MARK1: variants seen among roughly 807,000 people sequenced by gnomAD.
MARK1 encodes microtubule affinity regulating kinase 1, also known as serine/threonine-protein kinase MARK1.
In MARK1, 40 loss-of-function variants were observed where a neutral mutation model predicts 96.3. The observed-to-expected ratio is 0.42, with a 90% CI of 0.32 to 0.54. The LOEUF (loss-of-function observed/expected upper bound fraction) is 0.54. Ranked by LOEUF, MARK1 falls within the 20% of genes least tolerant of loss-of-function variation. MARK1 has a pLI of 0.16. For missense variants in MARK1, 719 were observed against 984.6 expected (o/e 0.73, Z 3.61); for synonymous variants, 317 against 341.2 (o/e 0.93, Z 0.78).
chr1:220,577,577 C>A (rs1222528245), intron 1 of MARK1, among the ~76,000 whole-genome samples: 5 of 152,320 alleles, frequency 3.3e-5, no homozygotes, highest in Non-Finnish European at 1.5e-5. Flanking sequence ...CCCAGAGTTT[C>A]ATATTCAGTA....
At chr1:220,562,319 A>C (rs978392733) in intron 1 of MARK1, among the ~76,000 whole-genome samples, 3 of 152,000 alleles carry the variant, frequency 2.0e-5, no homozygotes, top group African/African-American at 4.8e-5. Flanking sequence ...ACAAAAAAAA[A>C]TTTGCCTTAG....
Position 220,653,113 on chromosome 1 carries a change from A to G in MARK1, c.1749A>G (p.Arg583=). The change falls in exon 16 of 18, where the codon AGA becomes AGG. Residue 583 remains arginine, a synonymous_variant. Coordinates refer to ENST00000366917, the MANE Select transcript of MARK1 (RefSeq NM_018650.5). ...SEAYRPGTTQ[R]VPAASPSAHS... ...TTTGTCCCAGCAGTACAACCCAGAG[A>G]GTGCCTGCTGCTTCCCCATCTGCTC... 1 of 1,614,196 alleles carries G rather than the reference A, an allele frequency of 6.2e-7. No homozygotes were observed. Among genetic ancestry groups the G allele is most frequent in the Non-Finnish European group, 8.5e-7 (1 of 1,180,024 alleles).
Position 220,657,796 on chromosome 1 carries a change from A to C in MARK1, c.1995A>C (p.Pro665=). 1 of 1,577,450 alleles carries C rather than the reference A, an allele frequency of 6.3e-7. No homozygotes were observed. Among genetic ancestry groups the C allele is most frequent in the East Asian group, 2.3e-5 (1 of 42,812 alleles). The change falls in exon 17 of 18, where the codon CCA becomes CCC. Residue 665 remains proline, a synonymous_variant. Coordinates refer to ENST00000366917, the MANE Select transcript of MARK1 (RefSeq NM_018650.5). The stretch of plus-strand genomic sequence containing the variant: ...ACCTTCACTTTGTTTTGAGGGATCC[A>C]AGTGAAGGCGAAGCCAGTGGCAGAA... ...KITSKFVRRD[P]SEGEASGRTD...
intron 1 of MARK1, among the ~76,000 whole-genome samples, chr1:220,548,053 T>C (rs1572059044): frequency 6.6e-6 from 1 of 152,272 alleles, no homozygotes; most frequent in African/African-American, 2.4e-5. Context: ...TACAATACTT[T>C]AGCACAGTGC....
At chr1:220,649,722 A>G (rs1228189424) in intron 13 of MARK1, among the ~76,000 whole-genome samples, 3 of 152,152 alleles carry the variant, frequency 2.0e-5, no homozygotes, top group Non-Finnish European at 4.4e-5. Context: ...TTCAAAGTGA[A>G]TTCAAGCAAG....
At chr1:220,556,600 C>T (rs564937262) in intron 1 of MARK1, among the ~76,000 whole-genome samples, 8 of 150,720 alleles carry the variant, frequency 5.3e-5, no homozygotes, top group South Asian at 2.1e-4. Context: ...GGAAATAATG[C>T]GACTATCTGA....
chr1:220,657,702 A>G, intron 16 of MARK1, 88 bp from the exon 17 acceptor site: 1 of 934,322 alleles, frequency 1.1e-6, no homozygotes, highest in Non-Finnish European at 1.6e-6. Context: ...TTGCTCAACA[A>G]GCTAATTTTA....
At chr1:220,555,472 T>TGGTAAA (rs1209570487) in intron 1 of MARK1, among the ~76,000 whole-genome samples, 1 of 152,034 alleles carries the variant, frequency 6.6e-6, no homozygotes, top group African/African-American at 2.4e-5. Flanking sequence ...TTGGTCTAAG[T>TGGTAAA]GGTAAAGGTA....
intron 1 of MARK1, among the ~76,000 whole-genome samples, chr1:220,535,442 A>G (rs1454247136): frequency 2.0e-5 from 3 of 152,048 alleles, no homozygotes; most frequent in Non-Finnish European, 2.9e-5. Context: ...TCAAGTTTGC[A>G]TATAGTTTTG....
At chr1:220,590,706 A>G (rs73105426) in intron 3 of MARK1, among the ~76,000 whole-genome samples, 3,691 of 152,178 alleles carry the variant, frequency 0.024, 136 homozygotes, top group African/African-American at 0.083. Flanking sequence ...TCCTTACTCA[A>G]TATACCATGT....
chr1:220,653,196 G>A lies in MARK1; in HGVS notation c.1832G>A (p.Arg611Gln), dbSNP rs776989724. Residue 611 changes from arginine to glutamine, a missense_variant, in exon 16 of 18, where the codon CGA becomes CAA. This residue lies in a region of MARK1 where 501 missense variants were observed against 588.3 expected (regional missense o/e 0.85). Coordinates refer to ENST00000366917, the MANE Select transcript of MARK1 (RefSeq NM_018650.5). ...CGTTTTCCCCGAGGGAGCTCAAGCC[G>A]AAGCACTTTCCATGGTGAACAGCTC... is the stretch of plus-strand genomic sequence containing the variant. The part of the protein sequence containing the change: ...RTRFPRGSSS[R>Q]STFHGEQLRE... 3.7e-6 allele frequency: 6 copies of A among 1,614,196 alleles called. No homozygotes were observed. Among genetic ancestry groups the A allele is most frequent in the Non-Finnish European group, 4.2e-6 (5 of 1,180,038 alleles).
chr1:220,559,455 A>G (rs965746919), intron 1 of MARK1, among the ~76,000 whole-genome samples: 5 of 152,238 alleles, frequency 3.3e-5, no homozygotes, highest in African/African-American at 1.2e-4. Flanking sequence ...ACTTCTTTTA[A>G]GAACTTTTTA....
intron 17 of MARK1, among the ~76,000 whole-genome samples, chr1:220,661,399 T>A (rs897233523): frequency 6.6e-6 from 1 of 152,148 alleles, no homozygotes; most frequent in Non-Finnish European, 1.5e-5. Flanking sequence ...ACGACATTCC[T>A]CCTATCCAAA....
intron 10 of MARK1, 139 bp from the exon 11 acceptor site, chr1:220,632,062 T>C: frequency 4.0e-6 from 2 of 499,396 alleles, no homozygotes; most frequent in South Asian, 3.9e-5. Flanking sequence ...AGGTTAATAG[T>C]CCAGAAGTTT....
rs901640367 is a variant in MARK1, at chr1:220,528,494, CG to C, written c.-328del. Reference sequence around the variant, plus strand: ...ATGGTCCGGAGAGCCTAGCGGGGCTCGCCACCGCCTCCCGGCTCCCCTTCCA... The same window carrying C: ...ATGGTCCGGAGAGCCTAGCGGGGCTCCCACCGCCTCCCGGCTCCCCTTCCA... On this transcript the variant is annotated 5_prime_UTR_variant, in exon 1 of 18. Coordinates refer to ENST00000366917, the MANE Select transcript of MARK1 (RefSeq NM_018650.5). 9 of 381,672 alleles carry C rather than the reference CG, an allele frequency of 2.4e-5. No homozygotes were observed. The highest frequency in any genetic ancestry group is 1.9e-4 in the African/African-American group (9 of 46,618). The allele number at this position is 381,672 out of a possible 1,614,324, so 23.6% of individuals were successfully genotyped here.
chr1:220,549,341 A>G (rs1420992286), intron 1 of MARK1, among the ~76,000 whole-genome samples: 1 of 152,216 alleles, frequency 6.6e-6, no homozygotes, highest in African/African-American at 2.4e-5. Context: ...TAGCGCCCTT[A>G]GAACAGTACC....
intron 1 of MARK1, among the ~76,000 whole-genome samples, chr1:220,568,984 C>T (rs1663248824): frequency 6.6e-6 from 1 of 152,112 alleles, no homozygotes; most frequent in South Asian, 2.1e-4. Flanking sequence ...CCCAACTCCT[C>T]CTATACATAG....
chr1:220,544,200 G>A (rs1044736743), intron 1 of MARK1, among the ~76,000 whole-genome samples: 1 of 152,132 alleles, frequency 6.6e-6, no homozygotes, highest in African/African-American at 2.4e-5. Flanking sequence ...AAGTGGGAAG[G>A]GAGATGGCAA....
chr1:220,652,494 C>A (rs1668936842), intron 15 of MARK1, among the ~76,000 whole-genome samples: 1 of 152,140 alleles, frequency 6.6e-6, no homozygotes, highest in Admixed American at 6.5e-5. Context: ...TTGAGACCCG[C>A]AGATAATGAT....
Sources: gnomAD v4.1 joint callset for allele counts (sites outside exome capture counted in the v4.1 genomes callset) on GRCh38, gnomAD v4.1.1 for gene constraint, gnomAD v4.1.1 regional missense constraint, MANE v1.5 for transcripts, NCBI Gene and HGNC (gene_info 2026-07-23, HGNC 2026-07-21) for gene names.